The following SLC7A5 variants were observed in gnomAD, a reference collection of about 807,000 sequenced individuals.
SLC7A5 encodes the protein solute carrier family 7 member 5, also known as large neutral amino acids transporter small subunit 1.
In SLC7A5, 23 loss-of-function variants were observed where a neutral mutation model predicts 50.2. The ratio of observed to expected loss-of-function variants is 0.46; its 90% confidence interval spans 0.33 to 0.65. The LOEUF is 0.65. SLC7A5 is among the 30% of genes least tolerant of loss of function. The probability of loss-of-function intolerance (pLI) is 0.02; values close to 1 mark genes in which losing one functional copy is unlikely to be tolerated. For missense variants in SLC7A5, 578 were observed against 684.4 expected, an observed-to-expected ratio of 0.84 and a Z score of 1.73; for synonymous variants, 393 against 330.6, an observed-to-expected ratio of 1.19 and a Z score of -2.05.
chr16:87,863,039 GC>G (rs1303323944), intron 1 of SLC7A5, among the ~76,000 whole-genome samples: 1 of 152,216 alleles, frequency 6.6e-6, no homozygotes, highest in Non-Finnish European at 1.5e-5. Context: ...TGTCTCAGCA[GC>G]CCCCCATGCT....
chr16:87,843,583 G>C (rs1449021490), intron 2 of SLC7A5, among the ~76,000 whole-genome samples: 1 of 151,982 alleles, frequency 6.6e-6, no homozygotes, highest in Non-Finnish European at 1.5e-5. Context: ...ACACAGGGGA[G>C]AGACACACCA....
intron 2 of SLC7A5, among the ~76,000 whole-genome samples, chr16:87,843,847 C>T (rs2055113818): frequency 6.6e-6 from 1 of 152,190 alleles, no homozygotes; most frequent in Non-Finnish European, 1.5e-5. Flanking sequence ...GACAAGGCAT[C>T]AGCCACGAGC....
intron 1 of SLC7A5, among the ~76,000 whole-genome samples, chr16:87,857,784 T>C (rs1049356572): frequency 6.6e-6 from 1 of 152,262 alleles, no homozygotes; most frequent in Non-Finnish European, 1.5e-5. Flanking sequence ...TTTCAAATTC[T>C]GTCACCAGCC....
At chr16:87,840,695 C>T (rs2055072713) in intron 3 of SLC7A5, among the ~76,000 whole-genome samples, 1 of 152,188 alleles carries the variant, frequency 6.6e-6, no homozygotes, top group South Asian at 2.1e-4. Context: ...GCCTGTTCGC[C>T]CTACTGGGGT....
chr16:87,866,751 C>T (rs911140324), intron 1 of SLC7A5, among the ~76,000 whole-genome samples: 6 of 152,100 alleles, frequency 3.9e-5, no homozygotes, highest in African/African-American at 1.4e-4. Flanking sequence ...CAGGTGTGAG[C>T]CACAGTGCCT....
chr16:87,840,538 G>A (rs1233807638), intron 3 of SLC7A5, 65 bp from the exon 4 acceptor site: 6 of 1,379,062 alleles, frequency 4.4e-6, no homozygotes, highest in Middle Eastern at 1.8e-4. Flanking sequence ...TCACCGGGGA[G>A]AGAGCATCCC....
chr16:87,837,848 G>A lies in SLC7A5; in HGVS notation c.1137C>T (p.Phe379=). The A allele has an allele frequency of 6.2e-7, 1 of 1,603,348 alleles. No individual in the cohort carries two copies. Among genetic ancestry groups the A allele is most frequent in the East Asian group, 2.2e-5 (1 of 44,498 alleles). ...QLLTPVPSLV[F]TCVMTLLYAF... is the part of the protein sequence containing the mutation. ...CAGGGCCGTGCAGCAGGCTTACCGT[G>A]AACACGAGGGACGGCACGGGGGTGA... The change falls in exon 7 of 10, where the codon TTC becomes TTT. Residue 379 remains phenylalanine, a synonymous_variant. Coordinates refer to ENST00000261622, the MANE Select transcript of SLC7A5 (RefSeq NM_003486.7).
chr16:87,859,293 G>A (rs1341846046), intron 1 of SLC7A5, among the ~76,000 whole-genome samples: 8 of 152,160 alleles, frequency 5.3e-5, no homozygotes, highest in Non-Finnish European at 7.3e-5. Flanking sequence ...GCCCCTACAC[G>A]GTAGCAGGTG....
At chr16:87,867,430 G>A (rs1163060149) in intron 1 of SLC7A5, among the ~76,000 whole-genome samples, 2 of 152,212 alleles carry the variant, frequency 1.3e-5, no homozygotes, top group African/African-American at 2.4e-5. Flanking sequence ...GTCCTGCTAC[G>A]ATTTTTCCCG....
At position 87,835,767 on chromosome 16, in the gene SLC7A5, C is replaced by G. The variant is rs191029460; in HGVS notation, c.1290+731G>C. Among the ~76,000 whole-genome samples, 16 of 152,350 alleles carry G rather than the reference C, an allele frequency of 1.1e-4. No individual in the cohort carries two copies. In the East Asian group the frequency reaches 2.7e-3, roughly 26 times the overall value. ...GGGATTACAGGCGTGAGCCACCGCG[C>G]CCAGCCTAAAGCCCGTTCAACAGCA... On this transcript the variant is annotated intron_variant, in intron 8 of 9. Transcript: ENST00000261622.
rs2055370383 is a variant in SLC7A5 at position 87,860,020 on chromosome 16, C to CTTTCAACCA, written c.539-8180_539-8172dup. 2.0e-5 allele frequency among the ~76,000 whole-genome samples: 3 copies of CTTTCAACCA among 152,012 alleles called. No individual in the cohort carries two copies. Among genetic ancestry groups the CTTTCAACCA allele is most frequent in the Non-Finnish European group, 2.9e-5 (2 of 68,010 alleles). On this transcript the variant is annotated intron_variant, in intron 1 of 9. Transcript: ENST00000261622. The surrounding 1 kb of genome is among the most constrained non-coding windows in gnomAD (Gnocchi z 4.8). The stretch of plus-strand genomic sequence containing the variant: ...GATACCAGGTCTTTAGCTAATAACT[C>CTTTCAACCA]TTTCAACCAATTGTGAATCAGAAAA...
chr16:87,851,626 G>C, intron 2 of SLC7A5, 98 bp downstream of exon 2: 1 of 1,454,482 alleles, frequency 6.9e-7, no homozygotes, highest in Non-Finnish European at 9.4e-7. Context: ...GCAGAGCTGC[G>C]GACTGGGAGG....
At chr16:87,848,729 C>T (rs76224516) in intron 2 of SLC7A5, among the ~76,000 whole-genome samples, 4,039 of 152,286 alleles carry the variant, frequency 0.027, 169 homozygotes, top group African/African-American at 0.089. Context: ...ACCAGGGCCC[C>T]GCTTATTCCC....
At chr16:87,854,556 C>T (rs1203748351) in intron 1 of SLC7A5, among the ~76,000 whole-genome samples, 1 of 152,254 alleles carries the variant, frequency 6.6e-6, no homozygotes, top group African/African-American at 2.4e-5. Context: ...GGAGGGGCTG[C>T]TGGCTGCCCC....
rs1486986235 is a variant in SLC7A5, at chr16:87,861,793, T to C, written c.538+7092A>G. ...AGAAAAAAGGGTCACAAGTGCCCGT[T>C]AGGCTCTCCTGTGTGGCTCAGGTCA... On this transcript the variant is annotated intron_variant, in intron 1 of 9. Transcript: ENST00000261622. This position sits in a 1 kb window ranked among gnomAD's most constrained non-coding sequence, Gnocchi z 4.2. Among the ~76,000 whole-genome samples the C allele has an allele frequency of 6.6e-6, 1 of 152,250 alleles. No homozygotes were observed.
At chr16:87,836,917 C>T (rs2055013101) in intron 7 of SLC7A5, 2 of 515,886 alleles carry the variant, frequency 3.9e-6, no homozygotes, top group Non-Finnish European at 7.1e-6. Flanking sequence ...ATGGAGACCA[C>T]ATTTGGGTTA....
At chr16:87,856,474 C>G (rs1437175356) in intron 1 of SLC7A5, among the ~76,000 whole-genome samples, 1 of 152,210 alleles carries the variant, frequency 6.6e-6, no homozygotes, top group Non-Finnish European at 1.5e-5. Context: ...GGCAGCTGAC[C>G]ACAGCAACTA....
rs112331706 is a variant in SLC7A5 at position 87,861,541 on chromosome 16, T to G, written c.538+7344A>C. Among the ~76,000 whole-genome samples, 18 of 152,288 alleles carry G rather than the reference T, an allele frequency of 1.2e-4. No individual in the cohort carries two copies. The highest frequency in any genetic ancestry group is 4.1e-4 in the African/African-American group (17 of 41,562). Reference sequence around the variant, plus strand: ...TGTAAATTGGGGATTATCACTGGCTTCAAAGGCTGGAGTGCAAAGTGGTGG... The same window carrying G: ...TGTAAATTGGGGATTATCACTGGCTGCAAAGGCTGGAGTGCAAAGTGGTGG... On this transcript the variant is annotated intron_variant, in intron 1 of 9. Coordinates refer to ENST00000261622, the MANE Select transcript of SLC7A5 (RefSeq NM_003486.7). The surrounding 1 kb of genome is among the most constrained non-coding windows in gnomAD (Gnocchi z 4.2).
chr16:87,859,851 G>T (rs1025925730), intron 1 of SLC7A5, among the ~76,000 whole-genome samples: 2 of 152,178 alleles, frequency 1.3e-5, no homozygotes, highest in African/African-American at 4.8e-5. Flanking sequence ...TGAGGCAGGA[G>T]AATCGCTTGA....
Sources: allele counts gnomAD v4.1 joint callset (sites outside exome capture counted in the v4.1 genomes callset), GRCh38; gene constraint gnomAD v4.1.1; non-coding constraint Gnocchi (gnomAD v3.1); transcripts MANE v1.5; gene names NCBI Gene and HGNC (gene_info 2026-07-23, HGNC 2026-07-21).